Variants in FSTL5 observed in about 807,000 individuals in gnomAD.
FSTL5 encodes the protein follistatin-related protein 5.
A neutral mutation model predicts 89.1 loss-of-function variants in FSTL5; 62 were observed. That is an observed-to-expected ratio of 0.70 (90% CI 0.57 to 0.86). The LOEUF is 0.86. Ranked by LOEUF, FSTL5 falls within the 40% of genes least tolerant of loss-of-function variation. The probability of loss-of-function intolerance (pLI) is 0.00; values close to 1 mark genes in which losing one functional copy is unlikely to be tolerated. For synonymous variants in FSTL5, 383 were observed against 346.2 expected, an observed-to-expected ratio of 1.11 and a Z score of -1.18; for missense variants, 1,057 against 1,001.6, an observed-to-expected ratio of 1.06 and a Z score of -0.75.
At chr4:161,682,684 TATG>T (rs1737565243) in intron 6 of FSTL5, among the ~76,000 whole-genome samples, 1 of 152,128 alleles carries the variant, frequency 6.6e-6, no homozygotes, top group Admixed American at 6.6e-5. Flanking sequence ...TGTCGTCTCC[TATG>T]ATAACAATGC....
intron 7 of FSTL5, among the ~76,000 whole-genome samples, chr4:161,595,789 A>C (rs1733993920): frequency 6.6e-6 from 1 of 152,042 alleles, no homozygotes; most frequent in Admixed American, 6.6e-5. Flanking sequence ...GATTGCTTCA[A>C]TATAAAAGAT....
chr4:161,960,046 T>C (rs1318638714), intron 3 of FSTL5, among the ~76,000 whole-genome samples: 2 of 152,138 alleles, frequency 1.3e-5, no homozygotes, highest in African/African-American at 4.8e-5. Context: ...TATACAATGT[T>C]ATTAAATAAA....
chr4:161,388,150 A>T (rs1730709811), intron 15 of FSTL5: 1 of 152,042 alleles, frequency 6.6e-6, no homozygotes, highest in Admixed American at 6.6e-5. Flanking sequence ...AAAGCAATAT[A>T]TTTGAAAATA....
intron 7 of FSTL5, among the ~76,000 whole-genome samples, chr4:161,622,707 T>G (rs1735186235): frequency 6.6e-6 from 1 of 152,086 alleles, no homozygotes; most frequent in African/African-American, 2.4e-5. Context: ...TGGTGTTTCA[T>G]TAATATAATC....
At chr4:161,464,855 A>G (rs986931061) in intron 13 of FSTL5, among the ~76,000 whole-genome samples, 7 of 152,078 alleles carry the variant, frequency 4.6e-5, no homozygotes, top group African/African-American at 1.7e-4. Context: ...TTATTTAACA[A>G]AAATAATTGT....
chr4:161,456,933 T>C (rs942465096), intron 14 of FSTL5, among the ~76,000 whole-genome samples: 3 of 152,170 alleles, frequency 2.0e-5, no homozygotes, highest in Admixed American at 6.5e-5. Flanking sequence ...GTAATGATGA[T>C]TATCTCTCCA....
At chr4:161,790,330 A>C (rs993811725) in intron 4 of FSTL5, among the ~76,000 whole-genome samples, 3 of 152,322 alleles carry the variant, frequency 2.0e-5, no homozygotes, top group African/African-American at 7.2e-5. Flanking sequence ...GTACAAAGCT[A>C]TGGGAGCAAG....
At chr4:161,400,496 A>G (rs1731148381) in intron 15 of FSTL5, among the ~76,000 whole-genome samples, 1 of 152,086 alleles carries the variant, frequency 6.6e-6, no homozygotes, top group Non-Finnish European at 1.5e-5. Context: ...TCAAGGAAGT[A>G]CGGAGCAAGA....
At position 162,103,656 on chromosome 4, in the gene FSTL5, T is replaced by C. The variant is rs147633422; in HGVS notation, c.126+7615A>G. 1.3e-4 allele frequency among the ~76,000 whole-genome samples: 20 copies of C among 152,270 alleles called. No individual in the cohort carries two copies. The East Asian group carries it at 2.7e-3, about 21-fold the overall frequency. Reference sequence around the variant, plus strand: ...TATTCATAGCCTTGTAAGATGGAAATTGTATCTCCATTTAGAACAAAGGAA... The same window carrying C: ...TATTCATAGCCTTGTAAGATGGAAACTGTATCTCCATTTAGAACAAAGGAA... On this transcript the variant is annotated intron_variant, in intron 2 of 15. Transcript: ENST00000306100.
In FSTL5 at chr4:161,848,036, CAAAAAA is replaced by C. The variant is rs139315536; in HGVS notation, c.410-71968_410-71963del. On this transcript the variant is annotated intron_variant, in intron 4 of 15. Coordinates refer to ENST00000306100, the MANE Select transcript of FSTL5 (RefSeq NM_020116.5). ...GGGTGACAAGAGCAAGACTCCGTCTCAAAAAAAAAAAAAAAAAAAAAAAAAACAAGA... is the reference window on the plus strand; with the variant it reads ...GGGTGACAAGAGCAAGACTCCGTCTCAAAAAAAAAAAAAAAAAAAACAAGA... Among the ~76,000 whole-genome samples the C allele has an allele frequency of 5.6e-4, 27 of 48,222 alleles. No homozygotes were observed. The East Asian group carries it at 9.8e-3, about 17-fold the overall frequency. 31.6% of individuals were successfully genotyped at this position (48,222 alleles called of 152,430 possible). A position where few individuals can be genotyped will look rare whatever the true frequency, so the allele number is the denominator to read the frequency against.
At chr4:162,060,846 A>T (rs1738696815) in intron 2 of FSTL5, among the ~76,000 whole-genome samples, 1 of 152,086 alleles carries the variant, frequency 6.6e-6, no homozygotes, top group Admixed American at 6.6e-5. Flanking sequence ...AAAAAACCAA[A>T]GGTTCTTCTA....
chr4:161,616,064 GTT>G (rs139705148), intron 7 of FSTL5, among the ~76,000 whole-genome samples: 10 of 147,770 alleles, frequency 6.8e-5, no homozygotes, highest in Admixed American at 2.7e-4. Context: ...TTTTCTGAGT[GTT>G]TTTTTTTTCT....
At chr4:161,483,424 G>A (rs191652511) in intron 12 of FSTL5, among the ~76,000 whole-genome samples, 4 of 152,308 alleles carry the variant, frequency 2.6e-5, no homozygotes, top group East Asian at 3.9e-4. Flanking sequence ...GCTGAAACAC[G>A]AAAGATTTCC....
At chr4:161,481,877 T>G (rs1271215394) in intron 12 of FSTL5, among the ~76,000 whole-genome samples, 1 of 152,112 alleles carries the variant, frequency 6.6e-6, no homozygotes, top group Non-Finnish European at 1.5e-5. Flanking sequence ...AAAAAATGAT[T>G]GTGGAGGAGA....
intron 10 of FSTL5, among the ~76,000 whole-genome samples, chr4:161,515,475 G>T (rs1044487466): frequency 6.6e-6 from 1 of 151,800 alleles, no homozygotes; most frequent in Admixed American, 6.6e-5. Flanking sequence ...CCAGAGTGCT[G>T]GGATTACAAG....
intron 6 of FSTL5, among the ~76,000 whole-genome samples, chr4:161,729,766 C>A (rs1030219761): frequency 6.6e-6 from 1 of 152,038 alleles, no homozygotes; most frequent in African/African-American, 2.4e-5. Context: ...AGAAGGTGGG[C>A]AATAACACTC....
chr4:161,986,147 A>T (rs1279566175), intron 3 of FSTL5, among the ~76,000 whole-genome samples: 3 of 152,152 alleles, frequency 2.0e-5, no homozygotes, highest in Non-Finnish European at 4.4e-5. Flanking sequence ...ATTCTCTTAG[A>T]ATGTAATGGT....
intron 2 of FSTL5, among the ~76,000 whole-genome samples, chr4:162,082,549 T>A (rs1263268768): frequency 6.6e-6 from 1 of 150,624 alleles, no homozygotes; most frequent in Non-Finnish European, 1.5e-5. Context: ...TTTTTTCAAA[T>A]TCTTTGATCA....
chr4:162,135,243 G>A (rs1177596935), intron 1 of FSTL5, among the ~76,000 whole-genome samples: 1 of 151,850 alleles, frequency 6.6e-6, no homozygotes, highest in Non-Finnish European at 1.5e-5. Context: ...ATTAGTCTAT[G>A]ATGTTATACC....
Sources: allele counts gnomAD v4.1 joint callset (sites outside exome capture counted in the v4.1 genomes callset), GRCh38; gene constraint gnomAD v4.1.1; transcripts MANE v1.5; gene names NCBI Gene and HGNC (gene_info 2026-07-23, HGNC 2026-07-21).